Variants in RSRP1 observed in about 807,000 individuals in gnomAD.
RSRP1 encodes the protein arginine and serine rich protein 1.
A neutral mutation model predicts 33.0 loss-of-function variants in RSRP1; 37 were observed. The ratio of observed to expected loss-of-function variants is 1.12; its 90% CI spans 0.86 to 1.48. The LOEUF is 1.48. RSRP1 is among the 40% of genes most tolerant of loss of function. RSRP1 has a pLI of 0.00. For missense variants in RSRP1, 402 were observed against 385.3 expected (o/e 1.04, Z -0.36); for synonymous variants, 167 against 158.7 (o/e 1.05, Z -0.40).
rs878981767 is a variant in RSRP1 at position 25,281,425 on chromosome 1, G to A, written c.-66-34396C>T. Among the ~76,000 whole-genome samples, 35 of 131,850 alleles carry A rather than the reference G, an allele frequency of 2.7e-4. 4 individuals carry two copies. Among genetic ancestry groups the A allele is most frequent in the South Asian group, 2.1e-3 (9 of 4,306 alleles). 86.5% of individuals were successfully genotyped at this position (131,850 alleles called of 152,430 possible). A position where few individuals can be genotyped will look rare whatever the true frequency, so the allele number is the denominator to read the frequency against. On this transcript the variant is annotated intron_variant, in intron 1 of 1. Transcript: ENST00000561867. ...CTCATGGAATCTTCAATAAGTCTGG[G>A]CCCTATGCATATAGCATTGCTACAA...
upstream of RSRP1, among the ~76,000 whole-genome samples, chr1:25,249,687 T>C (rs1639716691): frequency 6.6e-6 from 1 of 152,204 alleles, no homozygotes; most frequent in African/African-American, 2.4e-5. Context: ...GAAACATTAC[T>C]TTGCCCTCGT....
rs557952243 is a variant in RSRP1, at chr1:25,288,591, C to A, written c.-66-41562G>T. ...TTGACGTATATCAACTCACTTTGCC[C>A]TTACCGTGGCTCCAGAGGCATTGGG... On this transcript the variant is annotated intron_variant, in intron 1 of 1. Coordinates refer to the RSRP1 transcript ENST00000561867. 6.9e-4 allele frequency among the ~76,000 whole-genome samples: 88 copies of A among 126,970 alleles called. 10 individuals are homozygous for A. The highest frequency in any genetic ancestry group is 1.3e-3 in the African/African-American group (49 of 36,790). The allele number at this position is 126,970 out of a possible 152,430, so 83.3% of individuals were successfully genotyped here. A position where few individuals can be genotyped will look rare whatever the true frequency, so the allele number is the denominator to read the frequency against.
rs768256535 is a variant in RSRP1, at chr1:25,242,687, T to G, written c.775A>C (p.Ile259Leu). 5 of 1,607,260 alleles carry G rather than the reference T, an allele frequency of 3.1e-6. No individual in the cohort carries two copies. Among genetic ancestry groups the G allele is most frequent in the Non-Finnish European group, 4.2e-6 (5 of 1,178,944 alleles). ...GTGGCAGCTTTAGCTGATTTTTGTA[T>G]TGGCTTTGCTACAGAATTCTGTAAA... ...FSSNNSVAKP[I>L]QKSAKAATEE... The change falls in exon 5 of 5, where the codon ATA becomes CTA. Residue 259 changes from isoleucine (I) to leucine (L), a missense_variant. Physicochemically the swap from Ile to Leu is conservative, Grantham distance 5 (BLOSUM62 2). Transcript: ENST00000243189.
intron 1 of RSRP1, among the ~76,000 whole-genome samples, chr1:25,263,073 G>T (rs1272412563): frequency 6.6e-6 from 1 of 152,176 alleles, no homozygotes; most frequent in Non-Finnish European, 1.5e-5. Flanking sequence ...TCTCTGAAGA[G>T]GTTAATATCT....
chr1:25,256,638 AT>A (rs368823814), intron 1 of RSRP1, among the ~76,000 whole-genome samples: 2 of 151,434 alleles, frequency 1.3e-5, no homozygotes, highest in East Asian at 1.9e-4. Flanking sequence ...TTTTTTTTGT[AT>A]TTTTTTGTAG....
chr1:25,282,997 A>AAATTCTTC (rs1479804141), intron 1 of RSRP1, among the ~76,000 whole-genome samples: 2 of 133,140 alleles, frequency 1.5e-5, no homozygotes, highest in East Asian at 3.9e-4. Context: ...GACGGAAAAA[A>AAATTCTTC]AATTCTTCAA....
chr1:25,281,200 T>G lies in RSRP1; in HGVS notation c.-66-34171A>C. On this transcript the variant is annotated intron_variant, in intron 1 of 1. Transcript: ENST00000561867. The stretch of plus-strand genomic sequence containing the variant: ...TCAGAGCTGGGCTCTGCTGCCGGCA[T>G]GTTTGGGGCCTGGTAGTTAGTTCAC... 1.5e-5 allele frequency among the ~76,000 whole-genome samples: 2 copies of G among 131,400 alleles called. 1 individual carries two copies. The highest frequency in any genetic ancestry group is 3.6e-5 in the Non-Finnish European group (2 of 55,702). 86.2% of individuals were successfully genotyped at this position (131,400 alleles called of 152,430 possible).
chr1:25,276,560 A>G lies in RSRP1; in HGVS notation c.-66-29531T>C, dbSNP rs1198262286. Among the ~76,000 whole-genome samples, 4 of 124,222 alleles carry G rather than the reference A, an allele frequency of 3.2e-5. 1 individual carries two copies. The highest frequency in any genetic ancestry group is 5.6e-5 in the Non-Finnish European group (3 of 53,680). The allele number at this position is 124,222 out of a possible 152,430, so 81.5% of individuals were successfully genotyped here. On this transcript the variant is annotated intron_variant, in intron 1 of 1. Coordinates refer to the RSRP1 transcript ENST00000561867. ...AAAAAAAAAAAAAAAAAAAAACTTT[A>G]AAATTTAACCCAGTGTGGTGGCACA...
In RSRP1 at chr1:25,284,735, G is replaced by C. The variant is rs774490491; in HGVS notation, c.-66-37706C>G. The C allele has an allele frequency of 2.9e-6, 4 of 1,388,758 alleles. No individual in the cohort carries two copies. The Admixed American group carries it at 5.3e-5, about 18-fold the overall frequency. 86.0% of individuals were successfully genotyped at this position (1,388,758 alleles called of 1,614,324 possible). A position where few individuals can be genotyped will look rare whatever the true frequency, so the allele number is the denominator to read the frequency against. ...GGCTTCCTGAGCCAGTTCCCTTCTG[G>C]GAAGGTGGTCATCACACTGTTCAGG... is the stretch of plus-strand genomic sequence containing the variant. On this transcript the variant is annotated intron_variant, in intron 1 of 1. Coordinates refer to the RSRP1 transcript ENST00000561867.
At chr1:25,285,414 A>G (rs1449631041) in intron 1 of RSRP1, among the ~76,000 whole-genome samples, 1 of 134,980 alleles carries the variant, frequency 7.4e-6, no homozygotes, top group Non-Finnish European at 1.8e-5. Flanking sequence ...GATTACAGAC[A>G]TGAGCCACCG....
At chr1:25,332,225 T>C (rs1191500345) in intron 1 of RSRP1, among the ~76,000 whole-genome samples, 6 of 126,180 alleles carry the variant, frequency 4.8e-5, no homozygotes, top group Middle Eastern at 4.3e-3. Flanking sequence ...TTAGTAGAAA[T>C]GGGGTTTCAC....
chr1:25,296,052 G>A (rs1283499245), intron 1 of RSRP1, among the ~76,000 whole-genome samples: 4 of 112,274 alleles, frequency 3.6e-5, no homozygotes, highest in Admixed American at 8.6e-5. Context: ...TAGTAGAGAC[G>A]GAGTTTTGCC....
At chr1:25,261,694 G>A (rs1207846780) in intron 1 of RSRP1, among the ~76,000 whole-genome samples, 16 of 146,270 alleles carry the variant, frequency 1.1e-4, no homozygotes, top group South Asian at 6.5e-4. Context: ...ATGAGCCACC[G>A]CGCCCAGCAG....
At position 25,246,648 on chromosome 1, in the gene RSRP1, G is replaced by C. The variant is rs750442247; in HGVS notation, c.316C>G (p.Arg106Gly). 3 of 1,613,940 alleles carry C rather than the reference G, an allele frequency of 1.9e-6. No individual in the cohort carries two copies. The highest frequency in any genetic ancestry group is 2.5e-6 in the Non-Finnish European group (3 of 1,180,026). ...CGGGACCGGTACCGCGAAGGAGACC[G>C]GTAGTATCTCCTGGTGAACCCGTAG... is the stretch of plus-strand genomic sequence containing the variant. ...RRYGFTRRYY[R>G]SPSRYRSRSR... Residue 106 changes from arginine (R) to glycine (G), a missense_variant, in exon 2 of 5, where the codon CGG becomes GGG. Coordinates refer to ENST00000243189, the MANE Select transcript of RSRP1 (RefSeq NM_020317.5).
intron 3 of RSRP1, 22 bp from the exon 4 acceptor site, chr1:25,243,655 G>A: frequency 1.2e-6 from 2 of 1,611,962 alleles, no homozygotes; most frequent in East Asian, 2.2e-5. Flanking sequence ...AAGAAAAAGT[G>A]TAATTTTAAA....
In RSRP1 at chr1:25,262,490, A is replaced by G. The variant is rs541471147; in HGVS notation, c.-66-15461T>C. ...AGGGTTCGCCAAAGAGACACAGCCA[A>G]TCGGATACATAGATATATAAAAGAG... On this transcript the variant is annotated intron_variant, in intron 1 of 1. Transcript: ENST00000561867. Among the ~76,000 whole-genome samples the G allele has an allele frequency of 6.6e-5, 10 of 152,332 alleles. No homozygotes were observed. In the South Asian group the frequency reaches 1.7e-3, roughly 25 times the overall value.
rs989205835 is a variant in RSRP1, at chr1:25,304,337, C to T, written c.-67+33641G>A. On this transcript the variant is annotated intron_variant, in intron 1 of 1. Transcript: ENST00000561867. ...CTAAAATTAGGAAAAACTGGCTGGG[C>T]GCAGTGGCTCACGCGCTTTGGGAGG... 7 of 119,588 alleles carry T rather than the reference C, an allele frequency of 5.9e-5. 3 individuals carry two copies. Among genetic ancestry groups the T allele is most frequent in the East Asian group, 2.0e-4 (1 of 4,988 alleles). The allele number at this position is 119,588 out of a possible 1,614,324, so 7.4% of individuals were successfully genotyped here.
intron 1 of RSRP1, among the ~76,000 whole-genome samples, chr1:25,331,886 CCCGCCACT>C: frequency 7.9e-6 from 1 of 126,522 alleles, no homozygotes; most frequent in African/African-American, 2.7e-5. Flanking sequence ...ACTACAGGCG[CCCGCCACT>C]ACGCCCGGCT....
Position 25,307,714 on chromosome 1 carries a change from G to C in RSRP1, c.-67+30264C>G, listed in dbSNP as rs2257611. ...TGATGAGGAGCTGATGCGTTTGGAC[G>C]TGTCTCAGAGAAATCATGGAGGCGC... On this transcript the variant is annotated intron_variant, in intron 1 of 1. Coordinates refer to the RSRP1 transcript ENST00000561867. The C allele has an allele frequency of 3.8e-6, 5 of 1,307,020 alleles. 1 individual carries two copies. The highest frequency in any genetic ancestry group is 2.9e-5 in the African/African-American group (2 of 67,914). The allele number at this position is 1,307,020 out of a possible 1,614,324, so 81.0% of individuals were successfully genotyped here.
Sources: allele counts gnomAD v4.1 joint callset (sites outside exome capture counted in the v4.1 genomes callset), GRCh38; gene constraint gnomAD v4.1.1; transcripts MANE v1.5; gene names NCBI Gene and HGNC (gene_info 2026-07-23, HGNC 2026-07-21).